Variants in WWP2 observed in about 807,000 individuals in gnomAD.
WWP2 encodes the protein NEDD4-like E3 ubiquitin-protein ligase WWP2.
In WWP2, 57 loss-of-function variants were observed where a neutral mutation model predicts 121.0. The ratio of observed to expected loss-of-function variants is 0.47; its 90% CI spans 0.38 to 0.59. The LOEUF (loss-of-function observed/expected upper bound fraction) is 0.59. Ranked by LOEUF, WWP2 falls within the 20% of genes least tolerant of loss-of-function variation. The pLI, the probability that WWP2 is intolerant of heterozygous loss-of-function variation, is 0.00. For missense variants in WWP2, 962 were observed against 1,158.9 expected (o/e 0.83, Z 2.47); for synonymous variants, 449 against 441.3 (o/e 1.02, Z -0.22).
chr16:69,810,629 C>T (rs1596977428), intron 4 of WWP2, among the ~76,000 whole-genome samples: 1 of 151,832 alleles, frequency 6.6e-6, no homozygotes, highest in African/African-American at 2.4e-5. Context: ...GATGGGGTTT[C>T]ACTGTGTTAG....
At chr16:69,774,966 CAA>C (rs58896866) in intron 1 of WWP2, 41 of 88,952 alleles carry the variant, frequency 4.6e-4, no homozygotes, top group Middle Eastern at 6.2e-3. Context: ...AAGACTGTCT[CAA>C]AAAAAAAAAA....
chr16:69,835,191 C>T (rs1036420867), intron 4 of WWP2, among the ~76,000 whole-genome samples: 1 of 152,198 alleles, frequency 6.6e-6, no homozygotes, highest in African/African-American at 2.4e-5. Context: ...GAAAGGGCCT[C>T]TGTAGAGCCG....
In WWP2 at chr16:69,848,646, A is replaced by AG. The variant is rs1251531222; in HGVS notation, c.575+6526_575+6527insG. 9.4e-4 allele frequency among the ~76,000 whole-genome samples: 142 copies of AG among 151,418 alleles called. 1 individual carries two copies. The highest frequency in any genetic ancestry group is 3.4e-3 in the Middle Eastern group (1 of 294). On this transcript the variant is annotated intron_variant, in intron 6 of 23. Transcript: ENST00000359154. ...AGCTAGATGCTGTTGCTAAAAAAAA[A>AG]AAAAAAAAAAAAAAAGAAGCTATAT...
chr16:69,805,327 C>T (rs1597697810), intron 4 of WWP2, among the ~76,000 whole-genome samples: 2 of 151,886 alleles, frequency 1.3e-5, no homozygotes, highest in South Asian at 2.1e-4. Flanking sequence ...TGAGTCACTG[C>T]GCCCAGCCTG....
intron 6 of WWP2, among the ~76,000 whole-genome samples, chr16:69,870,580 C>G (rs144597253): frequency 5.9e-5 from 9 of 152,172 alleles, no homozygotes; most frequent in African/African-American, 2.2e-4. Context: ...GGATAACAGG[C>G]GTGAGCCACT....
At chr16:69,798,627 G>A in intron 2 of WWP2, 55 bp from the exon 3 acceptor site, 1 of 1,554,206 alleles carries the variant, frequency 6.4e-7, no homozygotes, top group East Asian at 2.3e-5. Flanking sequence ...TGCCACAGGG[G>A]GGCATCTGGG....
chr16:69,786,741 A>G (rs1241851485), intron 1 of WWP2, among the ~76,000 whole-genome samples: 2 of 152,076 alleles, frequency 1.3e-5, no homozygotes, highest in African/African-American at 2.4e-5. Flanking sequence ...GTGAGCGACC[A>G]TGCCTGGCAG....
intron 6 of WWP2, among the ~76,000 whole-genome samples, chr16:69,859,126 A>G (rs2057370656): frequency 6.6e-6 from 1 of 152,228 alleles, no homozygotes; most frequent in African/African-American, 2.4e-5. Context: ...ACCATTTATT[A>G]GCTCACAGTT....
chr16:69,864,289 G>A (rs368666194), intron 6 of WWP2, among the ~76,000 whole-genome samples: 4 of 152,166 alleles, frequency 2.6e-5, no homozygotes, highest in African/African-American at 7.2e-5. Context: ...GATTGCAGGA[G>A]CCCAGGAGGC....
At chr16:69,802,928 C>G (rs894991143) in intron 4 of WWP2, among the ~76,000 whole-genome samples, 2 of 151,970 alleles carry the variant, frequency 1.3e-5, no homozygotes, top group African/African-American at 4.8e-5. Flanking sequence ...TATGTATGTG[C>G]AAATATACCA....
At chr16:69,867,738 G>A (rs1352381410) in intron 6 of WWP2, among the ~76,000 whole-genome samples, 1 of 152,226 alleles carries the variant, frequency 6.6e-6, no homozygotes, top group Non-Finnish European at 1.5e-5. Context: ...CTGAATTTCT[G>A]TAATGAGTTG....
chr16:69,856,499 A>G (rs2057314703), intron 6 of WWP2, among the ~76,000 whole-genome samples: 1 of 152,224 alleles, frequency 6.6e-6, no homozygotes, highest in Admixed American at 6.5e-5. Context: ...TTTGGTGGCC[A>G]GGTGCGGTGG....
rs539266579 is a variant in WWP2 at position 69,852,981 on chromosome 16, G to A, written c.575+10861G>A. Among the ~76,000 whole-genome samples, 141 of 152,318 alleles carry A rather than the reference G, an allele frequency of 9.3e-4. 1 individual carries two copies. Among genetic ancestry groups the A allele is most frequent in the African/African-American group, 3.3e-3 (137 of 41,560 alleles). Reference sequence around the variant, plus strand: ...AAAGTTTGCCAGTCCCTGGCTGTAGGAGATGGTTTGAAGGCAAGAGCAGTT... The same window carrying A: ...AAAGTTTGCCAGTCCCTGGCTGTAGAAGATGGTTTGAAGGCAAGAGCAGTT... On this transcript the variant is annotated intron_variant, in intron 6 of 23. Transcript: ENST00000359154.
At chr16:69,934,333 C>T (rs1030247819) in intron 17 of WWP2, among the ~76,000 whole-genome samples, 1 of 152,128 alleles carries the variant, frequency 6.6e-6, no homozygotes, top group African/African-American at 2.4e-5. Flanking sequence ...CTCACCCTCT[C>T]GGGGCTCCAC....
At chr16:69,899,455 T>C (rs1304188404) in intron 8 of WWP2, among the ~76,000 whole-genome samples, 1 of 152,094 alleles carries the variant, frequency 6.6e-6, no homozygotes, top group African/African-American at 2.4e-5. Context: ...GTGGGCCGGG[T>C]GCAATGGCTC....
chr16:69,938,916 TTG>T (rs1237859455), intron 21 of WWP2, 109 bp from the exon 22 acceptor site: 2 of 930,350 alleles, frequency 2.1e-6, no homozygotes, highest in African/African-American at 3.3e-5. Context: ...CAACCTGGCT[TTG>T]TGTTCTCAGC....
chr16:69,816,389 G>A (rs2056490551), intron 4 of WWP2, among the ~76,000 whole-genome samples: 4 of 150,364 alleles, frequency 2.7e-5, no homozygotes, highest in South Asian at 4.2e-4. Context: ...CAAGACCAGC[G>A]TGGGCAACAT....
intron 5 of WWP2, 75 bp from the exon 6 acceptor site, chr16:69,841,949 C>A: frequency 6.9e-7 from 1 of 1,446,394 alleles, no homozygotes; most frequent in Non-Finnish European, 9.5e-7. Context: ...GAGTTCTGTT[C>A]CTGGCCGTCA....
chr16:69,803,584 T>G (rs141687177), intron 4 of WWP2, among the ~76,000 whole-genome samples: 248 of 152,056 alleles, frequency 1.6e-3, no homozygotes, highest in Middle Eastern at 6.8e-3. Flanking sequence ...CCCTGCTTTT[T>G]TGTGTGTGTG....
Sources: allele counts gnomAD v4.1 joint callset (sites outside exome capture counted in the v4.1 genomes callset), GRCh38; gene constraint gnomAD v4.1.1; transcripts MANE v1.5; gene names NCBI Gene and HGNC (gene_info 2026-07-23, HGNC 2026-07-21).